The following HMGN5 variants were observed in gnomAD, a reference collection of about 807,000 sequenced individuals.
HMGN5 encodes the protein high mobility group nucleosome-binding domain-containing protein 5.
Under a neutral mutation model 9.5 loss-of-function variants are expected in HMGN5, and 4 were observed. The observed-to-expected ratio is 0.42, with a 90% CI of 0.21 to 0.96. The LOEUF (loss-of-function observed/expected upper bound fraction) is 0.96, where lower values mean the gene tolerates loss of function less well. Ranked by LOEUF, HMGN5 falls within the 40% of genes least tolerant of loss-of-function variation. The probability of loss-of-function intolerance (pLI) is 0.30; values close to 1 mark genes in which losing one functional copy is unlikely to be tolerated. For missense variants in HMGN5, 192 were observed against 187.5 expected, an observed-to-expected ratio of 1.02 and a Z score of -0.14; for synonymous variants, 55 against 57.1, an observed-to-expected ratio of 0.96 and a Z score of 0.16.
At chrX:81,137,549 T>C (rs1299286832) in intron 1 of HMGN5, among the ~76,000 whole-genome samples, 1 of 111,366 alleles carries the variant, frequency 9.0e-6, no homozygotes, top group Non-Finnish European at 1.9e-5. Flanking sequence ...GAGATACAGC[T>C]AAAGCAGTGC....
At chrX:81,119,746 G>C in intron 3 of HMGN5, 42 bp downstream of exon 3, 1 of 1,133,580 alleles carries the variant, frequency 8.8e-7, no homozygotes, top group Non-Finnish European at 1.2e-6. Flanking sequence ...TTTATAAAAC[G>C]AGTGGTTTTT....
At chrX:81,132,038 G>A (rs1240761126) in intron 1 of HMGN5, among the ~76,000 whole-genome samples, 1 of 111,286 alleles carries the variant, frequency 9.0e-6, no homozygotes, top group Non-Finnish European at 1.9e-5. Context: ...AAATCAATGT[G>A]CAAAAATCGC....
chrX:81,144,925 TA>T (rs1350147035), intron 1 of HMGN5, among the ~76,000 whole-genome samples: 4 of 110,424 alleles, frequency 3.6e-5, no homozygotes, highest in Non-Finnish European at 7.6e-5. Context: ...CTCAATGAAA[TA>T]AAGCAAAAAG....
intron 1 of HMGN5, among the ~76,000 whole-genome samples, chrX:81,169,581 T>C (rs957304695): frequency 1.5e-4 from 17 of 111,434 alleles, no homozygotes; most frequent in South Asian, 1.1e-3. Flanking sequence ...AGTTCAAAGA[T>C]GATTGGCCAG....
intron 1 of HMGN5, among the ~76,000 whole-genome samples, chrX:81,174,290 A>G (rs2075435097): frequency 9.0e-6 from 1 of 111,265 alleles, no homozygotes; most frequent in Admixed American, 9.6e-5. Flanking sequence ...ATTTTGAAAG[A>G]CACTCATAGT....
intron 1 of HMGN5, among the ~76,000 whole-genome samples, chrX:81,188,036 A>T (rs1447154881): frequency 9.1e-6 from 1 of 110,229 alleles, no homozygotes; most frequent in African/African-American, 3.3e-5. Flanking sequence ...CTTTTTTTTA[A>T]CTTTTTGTTG....
chrX:81,151,192 T>G (rs2075361039), intron 1 of HMGN5, among the ~76,000 whole-genome samples: 1 of 111,948 alleles, frequency 8.9e-6, no homozygotes, highest in African/African-American at 3.2e-5. Context: ...CAGCACCATT[T>G]GTTAAATAGG....
At chrX:81,155,948 A>G (rs184439283) in intron 1 of HMGN5, among the ~76,000 whole-genome samples, 22 of 111,913 alleles carry the variant, frequency 2.0e-4, no homozygotes, top group Non-Finnish European at 3.6e-4. Context: ...ACAAGGTCAG[A>G]GGATTGTCTC....
At chrX:81,151,269 A>G (rs1259763610) in intron 1 of HMGN5, among the ~76,000 whole-genome samples, 1 of 111,315 alleles carries the variant, frequency 9.0e-6, no homozygotes, top group African/African-American at 3.3e-5. Flanking sequence ...GATATGCGAC[A>G]TTATTTCTGA....
At chrX:81,155,075 G>GTATATATATATA (rs761895749) in intron 1 of HMGN5, among the ~76,000 whole-genome samples, 27 of 68,939 alleles carry the variant, frequency 3.9e-4, no homozygotes, top group African/African-American at 1.4e-3. Flanking sequence ...GTATATATCA[G>GTATATATATATA]TATATATATA....
Position 81,143,658 on chromosome X carries a change from G to T in HMGN5, c.-123-21986C>A, listed in dbSNP as rs144896979. On this transcript the variant is annotated intron_variant, in intron 1 of 6. Transcript: ENST00000358130. ...CTCCGGCCCAGATTCTGTGCTTTTC[G>T]CATGGTCTTCACAACTGGCAGATCA... is the stretch of plus-strand genomic sequence containing the variant. 3.2e-3 allele frequency among the ~76,000 whole-genome samples: 360 copies of T among 112,391 alleles called. 3 individuals are homozygous for T. Among genetic ancestry groups the T allele is most frequent in the African/African-American group, 0.011 (327 of 30,990 alleles).
chrX:81,188,644 A>C (rs1044430467), intron 1 of HMGN5, among the ~76,000 whole-genome samples: 1 of 106,214 alleles, frequency 9.4e-6, no homozygotes, highest in Non-Finnish European at 1.9e-5. Flanking sequence ...ACCCCACGAC[A>C]GGCCCTGATG....
intron 1 of HMGN5, among the ~76,000 whole-genome samples, chrX:81,160,064 A>C (rs1284290060): frequency 8.9e-6 from 1 of 111,883 alleles, no homozygotes; most frequent in Non-Finnish European, 1.9e-5. Context: ...ATTACATGAA[A>C]AAATGCTTGT....
At chrX:81,151,739 GCT>G (rs1175298881) in intron 1 of HMGN5, among the ~76,000 whole-genome samples, 2 of 109,991 alleles carry the variant, frequency 1.8e-5, no homozygotes, top group African/African-American at 6.6e-5. Context: ...TCATGATTTG[GCT>G]CTCTGTTTGT....
At position 81,116,217 on chromosome X, in the gene HMGN5, G is replaced by T; in HGVS notation, c.254C>A (p.Ala85Asp). Residue 85 changes from alanine to aspartate, a missense_variant, in exon 6 of 7, where the codon GCC (alanine) becomes GAC (aspartate). Transcript: ENST00000358130. The part of the protein sequence containing the change: ...DYNENAKNGE[A>D]KITEAPASEK... ...ATTAGAAAATACCTCTGTAATTTTG[G>T]CTTCTCCATTTTTAGCATTTTCATT... 8.4e-7 allele frequency: 1 copy of T among 1,193,491 alleles called. No individual in the cohort carries two copies. The highest frequency in any genetic ancestry group is 1.8e-5 in the South Asian group (1 of 54,873).
At chrX:81,157,802 C>T (rs1242014769) in intron 1 of HMGN5, among the ~76,000 whole-genome samples, 11 of 109,549 alleles carry the variant, frequency 1.0e-4, no homozygotes, top group Admixed American at 5.9e-4. Flanking sequence ...TTTTTTGAGA[C>T]GGAGTCTTGC....
chrX:81,163,301 A>G (rs2075402639), intron 1 of HMGN5, among the ~76,000 whole-genome samples: 2 of 112,198 alleles, frequency 1.8e-5, no homozygotes, highest in South Asian at 7.4e-4. Context: ...AGCACAAACA[A>G]TCCATCCCTG....
At chrX:81,152,886 A>G (rs5959079) in intron 1 of HMGN5, among the ~76,000 whole-genome samples, 1,893 of 106,475 alleles carry the variant, frequency 0.018, 42 homozygotes, top group African/African-American at 0.061. Flanking sequence ...TCAGTAAACT[A>G]TCGCAAAAAC....
intron 1 of HMGN5, chrX:81,195,109 T>A (rs923666210): frequency 9.0e-6 from 1 of 111,460 alleles, no homozygotes; most frequent in African/African-American, 3.3e-5. Context: ...TTAAGAAGCA[T>A]TGACTCACAC....
Sources: allele counts gnomAD v4.1 joint callset (sites outside exome capture counted in the v4.1 genomes callset), GRCh38; gene constraint gnomAD v4.1.1; transcripts MANE v1.5; gene names NCBI Gene and HGNC (gene_info 2026-07-23, HGNC 2026-07-21).